KCNJ12: variants seen among roughly 807,000 people sequenced by gnomAD.
The protein encoded by KCNJ12 is potassium inwardly rectifying channel subfamily J member 12.
KCNJ12 carries 2 observed loss-of-function variants against 22.3 expected under a neutral mutation model. That is an observed-to-expected ratio of 0.09 (90% CI 0.04 to 0.28). The LOEUF is 0.28. Among genes scored for constraint, KCNJ12 ranks in the 10% least tolerant of loss-of-function variants. KCNJ12 has a pLI of 1.00. For missense variants in KCNJ12, 155 were observed against 633.3 expected, an observed-to-expected ratio of 0.24 and a Z score of 8.11; for synonymous variants, 117 against 261.4, an observed-to-expected ratio of 0.45 and a Z score of 5.33.
At chr17:21,384,934 G>A (rs1282198492) in intron 1 of KCNJ12, among the ~76,000 whole-genome samples, 2 of 151,950 alleles carry the variant, frequency 1.3e-5, no homozygotes, top group Non-Finnish European at 2.9e-5. Flanking sequence ...CACCGCGCCC[G>A]GCTAATTTTT....
chr17:21,382,259 C>T (rs566839943), intron 1 of KCNJ12, among the ~76,000 whole-genome samples: 3 of 152,368 alleles, frequency 2.0e-5, no homozygotes, highest in South Asian at 2.1e-4. Context: ...CTGAGGATCA[C>T]AAGCCGTTCC....
At chr17:21,405,884 C>T (rs1393944288) in intron 1 of KCNJ12, among the ~76,000 whole-genome samples, 1 of 152,308 alleles carries the variant, frequency 6.6e-6, no homozygotes, top group African/African-American at 2.4e-5. Context: ...AGTCTCTTCT[C>T]TGCTCTACGT....
chr17:21,405,783 T>C (rs1350768833), intron 1 of KCNJ12, among the ~76,000 whole-genome samples: 11 of 152,406 alleles, frequency 7.2e-5, no homozygotes, highest in African/African-American at 2.6e-4. Flanking sequence ...GCGGCTGCTG[T>C]GGCCCCTGCA....
In KCNJ12 at chr17:21,416,581, C is replaced by G. The variant is rs782586759; in HGVS notation, c.1239C>G (p.Asp413Glu). ...GCCCCCAGGCCAGGCATGACTTTGA[C>G]AGACTCCAGGCTGGCGGCGGGGTCC... ...GLSPQARHDFDRLQAGGGVLE... is the reference protein window; with the variant it reads ...GLSPQARHDFERLQAGGGVLE... The change falls in exon 3 of 3, where the codon GAC (aspartate) becomes GAG (glutamate). Residue 413 changes from aspartate to glutamate, a missense_variant. Asp to Glu is a conservative substitution (Grantham distance 45). Transcript: ENST00000583088. The G allele has an allele frequency of 6.9e-6, 11 of 1,605,274 alleles. No homozygotes were observed. The highest frequency in any genetic ancestry group is 3.5e-4 in the Middle Eastern group (2 of 5,758).
intron 1 of KCNJ12, among the ~76,000 whole-genome samples, chr17:21,405,566 G>A (rs1905878779): frequency 6.6e-6 from 1 of 152,282 alleles, no homozygotes; most frequent in Non-Finnish European, 1.5e-5. Flanking sequence ...GGAAGGGGAA[G>A]TGCCTTGCCC....
At chr17:21,411,487 C>G (rs1443984701) in intron 2 of KCNJ12, among the ~76,000 whole-genome samples, 3 of 152,304 alleles carry the variant, frequency 2.0e-5, no homozygotes, top group Admixed American at 1.3e-4. Context: ...GGTAGTGTAC[C>G]CCAGCGCCCC....
At chr17:21,406,215 A>T (rs1233714518) in intron 1 of KCNJ12, among the ~76,000 whole-genome samples, 2 of 152,294 alleles carry the variant, frequency 1.3e-5, no homozygotes, top group Non-Finnish European at 2.9e-5. Context: ...CAGAGGGGAG[A>T]ATTGTCCCTC....
intron 2 of KCNJ12, among the ~76,000 whole-genome samples, chr17:21,409,883 C>G (rs1252369806): frequency 2.6e-5 from 4 of 152,226 alleles, no homozygotes; most frequent in Non-Finnish European, 5.9e-5. Flanking sequence ...GCATTGGACC[C>G]AAATGTTTGA....
chr17:21,419,295 CGTGTGT>C lies in KCNJ12; in HGVS notation c.*2680_*2685del, dbSNP rs3078445. Reference sequence around the variant, plus strand: ...TAGTAATACAGATACGTGATCTATACGTGTGTGTGTGTGTGTGTGTGTGTGTGTGTG... The same window carrying C: ...TAGTAATACAGATACGTGATCTATACGTGTGTGTGTGTGTGTGTGTGTGTG... On this transcript the variant is annotated 3_prime_UTR_variant, in exon 3 of 3. Coordinates refer to ENST00000583088, the MANE Select transcript of KCNJ12 (RefSeq NM_021012.5). The C allele has an allele frequency of 0.02, 3,114 of 158,254 alleles. 87 individuals are homozygous for C. Among genetic ancestry groups the C allele is most frequent in the African/African-American group, 0.07 (2,750 of 39,276 alleles). The allele number at this position is 158,254 out of a possible 1,614,324, so 9.8% of individuals were successfully genotyped here.
chr17:21,389,905 C>T (rs1423882187), intron 1 of KCNJ12, among the ~76,000 whole-genome samples: 1 of 152,172 alleles, frequency 6.6e-6, no homozygotes, highest in Non-Finnish European at 1.5e-5. Context: ...CCAGCTGTGG[C>T]CTTGCTGCTC....
chr17:21,403,568 C>A (rs1189102205), intron 1 of KCNJ12, among the ~76,000 whole-genome samples: 5 of 152,220 alleles, frequency 3.3e-5, no homozygotes, highest in African/African-American at 1.2e-4. Context: ...AAATCAGAAG[C>A]CAGGGTGCCT....
intron 2 of KCNJ12, among the ~76,000 whole-genome samples, chr17:21,414,286 C>T (rs1411852456): frequency 6.6e-6 from 1 of 152,264 alleles, no homozygotes; most frequent in African/African-American, 2.4e-5. Context: ...ACCAGCCTGG[C>T]CAACATGGTG....
intron 1 of KCNJ12, among the ~76,000 whole-genome samples, chr17:21,399,995 C>T (rs77787770): frequency 3.9e-5 from 6 of 152,042 alleles, no homozygotes; most frequent in African/African-American, 7.2e-5. Context: ...CCGTGCAAAG[C>T]GGTATGGGGT....
At chr17:21,378,022 T>A (rs1184283476) in intron 1 of KCNJ12, among the ~76,000 whole-genome samples, 1 of 152,240 alleles carries the variant, frequency 6.6e-6, no homozygotes, top group Non-Finnish European at 1.5e-5. Context: ...AAACCCAGGT[T>A]CACAGGCTCC....
chr17:21,402,457 G>A, intron 1 of KCNJ12, among the ~76,000 whole-genome samples: 1 of 152,312 alleles, frequency 6.6e-6, no homozygotes, highest in Non-Finnish European at 1.5e-5. Context: ...TCAATGCTGA[G>A]TGTGATTCTG....
intron 1 of KCNJ12, among the ~76,000 whole-genome samples, chr17:21,383,205 C>T (rs953823343): frequency 3.2e-4 from 48 of 152,176 alleles, no homozygotes; most frequent in Admixed American, 2.6e-3. Flanking sequence ...CTGCCCGCCC[C>T]GCTTGCTCCA....
chr17:21,393,103 C>T (rs1177116626), intron 1 of KCNJ12, among the ~76,000 whole-genome samples: 4 of 152,144 alleles, frequency 2.6e-5, no homozygotes, highest in African/African-American at 4.8e-5. Flanking sequence ...ACGGCCGTAC[C>T]GGCTCTCCCT....
At chr17:21,409,071 G>T (rs1215785623) in intron 2 of KCNJ12, among the ~76,000 whole-genome samples, 1 of 152,310 alleles carries the variant, frequency 6.6e-6, no homozygotes, top group African/African-American at 2.4e-5. Flanking sequence ...TGGCTGGAGC[G>T]CATTTCCTGG....
chr17:21,396,218 C>A (rs1164819551), intron 1 of KCNJ12, among the ~76,000 whole-genome samples: 2 of 152,166 alleles, frequency 1.3e-5, no homozygotes, highest in Non-Finnish European at 2.9e-5. Flanking sequence ...GTGCTACATG[C>A]ACCTGGACTC....
Sources: allele counts gnomAD v4.1 joint callset (sites outside exome capture counted in the v4.1 genomes callset), GRCh38; gene constraint gnomAD v4.1.1; transcripts MANE v1.5; gene names NCBI Gene and HGNC (gene_info 2026-07-23, HGNC 2026-07-21).